The following THSD7A variants were observed in gnomAD, a reference collection of about 807,000 sequenced individuals.
The protein encoded by THSD7A is thrombospondin type-1 domain-containing protein 7A.
A neutral mutation model predicts 231.3 loss-of-function variants in THSD7A; 96 were observed. The ratio of observed to expected loss-of-function variants is 0.41; its 90% CI spans 0.35 to 0.49. The LOEUF is 0.49. THSD7A is among the 20% of genes least tolerant of loss of function. THSD7A has a pLI of 0.05. For synonymous variants in THSD7A, 940 were observed against 743.3 expected, an observed-to-expected ratio of 1.26 and a Z score of -4.30; for missense variants, 2,290 against 2,070.2, an observed-to-expected ratio of 1.11 and a Z score of -2.06.
chr7:11,497,472 G>T (rs1048309641), intron 6 of THSD7A, among the ~76,000 whole-genome samples: 1 of 152,206 alleles, frequency 6.6e-6, no homozygotes, highest in African/African-American at 2.4e-5. Flanking sequence ...TAGGAATAAG[G>T]TAACTCCTGA....
At chr7:11,765,104 C>A (rs940450873) in intron 1 of THSD7A, among the ~76,000 whole-genome samples, 1 of 151,712 alleles carries the variant, frequency 6.6e-6, no homozygotes, top group Non-Finnish European at 1.5e-5. Flanking sequence ...AATGAAAATT[C>A]ATTTTTGAGA....
intron 6 of THSD7A, among the ~76,000 whole-genome samples, chr7:11,485,409 C>T (rs1392082699): frequency 6.6e-6 from 1 of 152,148 alleles, no homozygotes; most frequent in African/African-American, 2.4e-5. Flanking sequence ...CACAGAGTAT[C>T]CATGGCTGAA....
chr7:11,472,818 A>G (rs1026801618), intron 8 of THSD7A, among the ~76,000 whole-genome samples: 1 of 152,158 alleles, frequency 6.6e-6, no homozygotes, highest in East Asian at 1.9e-4. Flanking sequence ...GAACAGAATG[A>G]GCTCACTGGT....
At chr7:11,611,036 G>A (rs1393425156) in intron 2 of THSD7A, among the ~76,000 whole-genome samples, 1 of 152,114 alleles carries the variant, frequency 6.6e-6, no homozygotes, top group African/African-American at 2.4e-5. Flanking sequence ...AGACAAGCAT[G>A]AGTTCAAGTT....
At chr7:11,523,723 A>T (rs970082354) in intron 6 of THSD7A, among the ~76,000 whole-genome samples, 3 of 152,092 alleles carry the variant, frequency 2.0e-5, no homozygotes, top group African/African-American at 7.2e-5. Flanking sequence ...CAGGAAGATT[A>T]AAAAAACCAG....
At chr7:11,544,019 T>C (rs58) in intron 4 of THSD7A, among the ~76,000 whole-genome samples, 108,516 of 151,840 alleles carry the variant, frequency 0.71, 39,133 homozygotes, top group Admixed American at 0.84. Context: ...GTCTATCTCC[T>C]GATGCCATAT....
At chr7:11,481,656 G>T in intron 7 of THSD7A, 132 bp downstream of exon 7, 1 of 902,216 alleles carries the variant, frequency 1.1e-6, no homozygotes, top group Non-Finnish European at 1.6e-6. Context: ...CACATCAACA[G>T]ATATTAAATC....
chr7:11,747,484 G>A (rs1181457488), intron 1 of THSD7A, among the ~76,000 whole-genome samples: 1 of 151,912 alleles, frequency 6.6e-6, no homozygotes, highest in Non-Finnish European at 1.5e-5. Flanking sequence ...CTTGTTATTG[G>A]AATGTAATTT....
chr7:11,766,121 G>A (rs1027877663), intron 1 of THSD7A, among the ~76,000 whole-genome samples: 4 of 152,128 alleles, frequency 2.6e-5, no homozygotes, highest in Admixed American at 2.6e-4. Context: ...GAAGTCTCAT[G>A]CCCCTTGACC....
At chr7:11,723,540 TA>T (rs1182582353) in intron 1 of THSD7A, among the ~76,000 whole-genome samples, 1 of 151,858 alleles carries the variant, frequency 6.6e-6, no homozygotes, top group Non-Finnish European at 1.5e-5. Flanking sequence ...TAGTAATAAG[TA>T]CTAAGAAAAA....
intron 6 of THSD7A, among the ~76,000 whole-genome samples, chr7:11,535,344 T>G (rs376581701): frequency 1.3e-5 from 2 of 152,114 alleles, no homozygotes; most frequent in African/African-American, 2.4e-5. Flanking sequence ...TACTAACAGA[T>G]AGCAGACAAA....
chr7:11,523,809 C>A lies in THSD7A; in HGVS notation c.1822+17610G>T, dbSNP rs932591690. ...TATACAAAGACATTTTTATTGTTCT[C>A]CGCTTGTCATTCTTTCAGGTCTTAT... On this transcript the variant is annotated intron_variant, in intron 6 of 27. Transcript: ENST00000423059. Among the ~76,000 whole-genome samples the A allele has an allele frequency of 2.0e-5, 3 of 152,120 alleles. No individual in the cohort carries two copies. In the South Asian group the frequency reaches 6.2e-4, roughly 32 times the overall value.
chr7:11,553,213 C>A (rs994918759), intron 4 of THSD7A, among the ~76,000 whole-genome samples: 2 of 152,130 alleles, frequency 1.3e-5, no homozygotes, highest in Non-Finnish European at 2.9e-5. Context: ...TTCTACTTAA[C>A]AGTTGTCCCT....
chr7:11,680,631 C>T (rs1011726274), intron 1 of THSD7A, among the ~76,000 whole-genome samples: 3 of 152,052 alleles, frequency 2.0e-5, no homozygotes, highest in East Asian at 1.9e-4. Context: ...TAGAGAAATG[C>T]AAATCAAAAT....
At chr7:11,380,664 G>T (rs1032417845) in intron 24 of THSD7A, among the ~76,000 whole-genome samples, 14 of 152,258 alleles carry the variant, frequency 9.2e-5, no homozygotes, top group Non-Finnish European at 1.8e-4. Flanking sequence ...AGTATTTTGA[G>T]TTTCTTACAA....
At chr7:11,610,302 C>G (rs1045077670) in intron 2 of THSD7A, among the ~76,000 whole-genome samples, 15 of 152,064 alleles carry the variant, frequency 9.9e-5, no homozygotes, top group Admixed American at 9.8e-4. Context: ...CAAATTGGAG[C>G]TTTGTCTTAC....
intron 11 of THSD7A, among the ~76,000 whole-genome samples, chr7:11,450,241 C>A (rs562259377): frequency 6.1e-4 from 93 of 152,126 alleles, no homozygotes; most frequent in Non-Finnish European, 7.7e-4. Flanking sequence ...TTGTGCAGAT[C>A]TATACTATTC....
intron 4 of THSD7A, among the ~76,000 whole-genome samples, chr7:11,582,404 A>G (rs1368857254): frequency 6.6e-6 from 1 of 151,974 alleles, no homozygotes; most frequent in Non-Finnish European, 1.5e-5. Context: ...CCTAAGCAAT[A>G]CTCTCCTTAT....
At chr7:11,552,408 T>C (rs1002852477) in intron 4 of THSD7A, among the ~76,000 whole-genome samples, 1 of 152,054 alleles carries the variant, frequency 6.6e-6, no homozygotes. Flanking sequence ...TTCGTGGCCG[T>C]TTTTTAAAAA....
Sources: gnomAD v4.1 joint callset for allele counts (sites outside exome capture counted in the v4.1 genomes callset) on GRCh38, gnomAD v4.1.1 for gene constraint, MANE v1.5 for transcripts, NCBI Gene and HGNC (gene_info 2026-07-23, HGNC 2026-07-21) for gene names.